The following PMPCB variants were observed in gnomAD, a reference collection of about 807,000 sequenced individuals.
The protein encoded by PMPCB is peptidase, mitochondrial processing subunit beta.
In PMPCB, 46 loss-of-function variants were observed where a neutral mutation model predicts 61.5. That is an observed-to-expected ratio of 0.75 (90% confidence interval 0.59 to 0.96). The LOEUF is 0.96. Among genes scored for constraint, PMPCB ranks in the 40% least tolerant of loss-of-function variants. The probability of loss-of-function intolerance (pLI) is 0.00; values close to 1 mark genes in which losing one functional copy is unlikely to be tolerated. For missense variants in PMPCB, 590 were observed against 602.4 expected (o/e 0.98, Z 0.22); for synonymous variants, 191 against 201.6 (o/e 0.95, Z 0.44).
At chr7:103,308,503 T>C (rs1396372584) in intron 7 of PMPCB, among the ~76,000 whole-genome samples, 1 of 152,062 alleles carries the variant, frequency 6.6e-6, no homozygotes, top group African/African-American at 2.4e-5. Context: ...ATGCCTGTAG[T>C]CCCAGCTACT....
intron 8 of PMPCB, 61 bp from the exon 9 acceptor site, chr7:103,310,254 T>G: frequency 7.7e-7 from 1 of 1,301,300 alleles, no homozygotes; most frequent in Non-Finnish European, 1.1e-6. Context: ...CACTCCATTT[T>G]TCTTTCTGTA....
chr7:103,345,624 T>C, the PMPCB span, among the ~76,000 whole-genome samples: 1 of 150,318 alleles, frequency 6.7e-6, no homozygotes, highest in Non-Finnish European at 1.5e-5. Context: ...TATATATATG[T>C]ATATTTTTTT....
chr7:103,301,801 TTTTA>T (rs924238184), intron 4 of PMPCB, among the ~76,000 whole-genome samples: 36 of 152,144 alleles, frequency 2.4e-4, no homozygotes, highest in African/African-American at 8.5e-4. Flanking sequence ...TTTTTTTAAT[TTTTA>T]TTTTTTATTA....
chr7:103,304,182 T>G, intron 5 of PMPCB, 142 bp downstream of exon 5: 2 of 706,218 alleles, frequency 2.8e-6, no homozygotes, highest in South Asian at 1.9e-5. Flanking sequence ...TACATTTTAG[T>G]CCCACCTAGC....
rs570301578 is a variant in PMPCB, at chr7:103,326,738, G to A, written c.*1432-2193G>A. On this transcript the variant is annotated intron_variant and NMD_transcript_variant, in intron 12 of 12. Transcript: ENST00000444457. ...ACCATAACTTTACCTATTTTTTCCT[G>A]CAAGAAAACAAGTATTTCCCTCCTT... The A allele has an allele frequency of 4.6e-6, 7 of 1,511,214 alleles. No homozygotes were observed. The East Asian group carries it at 1.2e-4, about 25-fold the overall frequency. The allele number at this position is 1,511,214 out of a possible 1,614,324, so 93.6% of individuals were successfully genotyped here.
Position 103,297,534 on chromosome 7 carries a change from T to A in PMPCB, c.75T>A (p.Leu25=). ...GGCTCTGGGGTTTCAGCGAGAGTCTTCTAATCCGAGGCGCTGCGGGACGGG... is the reference window on the plus strand; with the variant it reads ...GGCTCTGGGGTTTCAGCGAGAGTCTACTAATCCGAGGCGCTGCGGGACGGG... ...RRRLWGFSES[L]LIRGAAGRSL... Residue 25 remains leucine, a synonymous_variant, in exon 1 of 13, where the codon CTT becomes CTA. Transcript: ENST00000249269. 1.9e-6 allele frequency: 3 copies of A among 1,609,160 alleles called. No homozygotes were observed. The highest frequency in any genetic ancestry group is 2.5e-6 in the Non-Finnish European group (3 of 1,177,146).
At chr7:103,297,752 C>G in intron 1 of PMPCB, 194 bp downstream of exon 1, 1 of 1,533,792 alleles carries the variant, frequency 6.5e-7, no homozygotes, top group Non-Finnish European at 8.7e-7. Flanking sequence ...GCCAGGAGAC[C>G]TGCTAGTGAC....
the PMPCB span, among the ~76,000 whole-genome samples, chr7:103,346,287 C>T: frequency 5.1e-3 from 775 of 152,218 alleles, 10 homozygotes; most frequent in African/African-American, 0.018. Context: ...TGCGTGCCAC[C>T]ACGCCCAGCT....
chr7:103,307,860 T>G, intron 7 of PMPCB, 152 bp downstream of exon 7: 1 of 557,046 alleles, frequency 1.8e-6, no homozygotes, highest in African/African-American at 1.9e-5. Flanking sequence ...CATTCCTTCC[T>G]CTTCCGTATT....
In PMPCB at chr7:103,299,430, T is replaced by C; in HGVS notation, c.241-13T>C. The C allele has an allele frequency of 6.6e-7, 1 of 1,504,458 alleles. No individual in the cohort carries two copies. Among genetic ancestry groups the C allele is most frequent in the Non-Finnish European group, 9.2e-7 (1 of 1,090,132 alleles). 93.2% of individuals were successfully genotyped at this position (1,504,458 alleles called of 1,614,324 possible). On this transcript the variant is annotated splice_polypyrimidine_tract_variant and intron_variant, in intron 2 of 12. Transcript: ENST00000249269. ...AAAATGAATTTATTTAATTGTTCTTTGATTGCATTAAGGTTGGACTCTGGA... is the reference window on the plus strand; with the variant it reads ...AAAATGAATTTATTTAATTGTTCTTCGATTGCATTAAGGTTGGACTCTGGA...
At chr7:103,332,028 G>A (rs62482398), downstream of PMPCB, among the ~76,000 whole-genome samples, 13,507 of 149,194 alleles carry the variant, frequency 0.091, 644 homozygotes, top group South Asian at 0.13. Context: ...TTTTTGAGGC[G>A]GAGTCTTGCT....
exon 13 of PMPCB, chr7:103,328,971 C>A: frequency 7.9e-7 from 1 of 1,270,976 alleles, no homozygotes; most frequent in Non-Finnish European, 1.0e-6. Flanking sequence ...GGAAATGGAA[C>A]AAGTTATTTT....
intron 9 of PMPCB, 84 bp downstream of exon 9, chr7:103,310,559 A>G: frequency 9.3e-7 from 1 of 1,079,344 alleles, no homozygotes; most frequent in Non-Finnish European, 1.3e-6. Context: ...ATGGTGATTT[A>G]TGGTAATTTT....
At chr7:103,340,719 CTATT>C in the PMPCB span, among the ~76,000 whole-genome samples, 1 of 152,218 alleles carries the variant, frequency 6.6e-6, no homozygotes, top group Non-Finnish European at 1.5e-5. Context: ...AAAGCATTAT[CTATT>C]TGTTTATACT....
chr7:103,342,778 T>G, the PMPCB span, among the ~76,000 whole-genome samples: 1 of 150,944 alleles, frequency 6.6e-6, no homozygotes, highest in African/African-American at 2.4e-5. Context: ...CCGGCTAATT[T>G]TTTGCATTTT....
chr7:103,316,914 C>G, downstream of PMPCB: 1 of 1,613,984 alleles, frequency 6.2e-7, no homozygotes, highest in Non-Finnish European at 8.5e-7. Flanking sequence ...ACTTCCATTT[C>G]CACCTCCACC....
Position 103,297,525 on chromosome 7 carries a change from C to A in PMPCB, c.66C>A (p.Ser22Arg). Residue 22 changes from serine to arginine, a missense_variant, in exon 1 of 13, where the codon AGC (serine) becomes AGA (arginine). Physicochemically the swap from Ser to Arg is moderately radical, Grantham distance 110. Coordinates refer to ENST00000249269, the MANE Select transcript of PMPCB (RefSeq NM_004279.3). ...CGCGGCGGCGGCTCTGGGGTTTCAG[C>A]GAGAGTCTTCTAATCCGAGGCGCTG... Reference protein sequence around the residue: ...SAARRRLWGFSESLLIRGAAG... With the variant: ...SAARRRLWGFRESLLIRGAAG... 6.2e-7 allele frequency: 1 copy of A among 1,603,710 alleles called. No homozygotes were observed. Among genetic ancestry groups the A allele is most frequent in the Non-Finnish European group, 8.5e-7 (1 of 1,174,326 alleles).
downstream of PMPCB, chr7:103,319,598 T>A: frequency 1.2e-6 from 2 of 1,613,502 alleles, no homozygotes; most frequent in South Asian, 2.2e-5. Flanking sequence ...AGTGATGTGT[T>A]CCTCTATTAC....
Position 103,311,508 on chromosome 7 carries a change from T to C in PMPCB, c.1155-135T>C, listed in dbSNP as rs1817751400. On this transcript the variant is annotated intron_variant, in intron 9 of 12. Transcript: ENST00000249269. ...TTAATACTGGGGAAAATAATCATTT[T>C]AGCTTTTGCTTAGCATTGGAATTAA... is the stretch of plus-strand genomic sequence containing the variant. The C allele has an allele frequency of 9.4e-6, 6 of 638,876 alleles. No individual in the cohort carries two copies. In the South Asian group the frequency reaches 1.2e-4, roughly 13 times the overall value. The allele number at this position is 638,876 out of a possible 1,614,324, so 39.6% of individuals were successfully genotyped here.
Sources: gnomAD v4.1 joint callset for allele counts (sites outside exome capture counted in the v4.1 genomes callset) on GRCh38, gnomAD v4.1.1 for gene constraint, MANE v1.5 for transcripts, NCBI Gene and HGNC (gene_info 2026-07-23, HGNC 2026-07-21) for gene names.